PITPNC1: variants seen among roughly 807,000 people sequenced by gnomAD.
The protein encoded by PITPNC1 is phosphatidylinositol transfer protein cytoplasmic 1.
A neutral mutation model predicts 44.7 loss-of-function variants in PITPNC1; 18 were observed. The ratio of observed to expected loss-of-function variants is 0.40; its 90% confidence interval spans 0.28 to 0.60. The LOEUF (loss-of-function observed/expected upper bound fraction) is 0.60, where lower values mean the gene tolerates loss of function less well. Ranked by LOEUF, PITPNC1 falls within the 20% of genes least tolerant of loss-of-function variation. The probability of loss-of-function intolerance (pLI) is 0.39; values close to 1 mark genes in which losing one functional copy is unlikely to be tolerated. For synonymous variants in PITPNC1, 141 were observed against 149.6 expected, an observed-to-expected ratio of 0.94 and a Z score of 0.42; for missense variants, 290 against 418.4, an observed-to-expected ratio of 0.69 and a Z score of 2.68.
chr17:67,664,203 G>A (rs1337382172), intron 6 of PITPNC1, among the ~76,000 whole-genome samples: 1 of 152,162 alleles, frequency 6.6e-6, no homozygotes, highest in Non-Finnish European at 1.5e-5. Context: ...GACCTCAGGT[G>A]ATCCACCCAC....
chr17:67,599,020 ATATATATATATATATT>A lies in PITPNC1; in HGVS notation c.366+20765_366+20780del, dbSNP rs1441686466. The stretch of plus-strand genomic sequence containing the variant: ...GAAATACATATATATATATATATAT[ATATATATATATATATT>A]TTTTTTTTTTTTTTTTTTACCATGT... On this transcript the variant is annotated intron_variant, in intron 5 of 8. Transcript: ENST00000581322. Among the ~76,000 whole-genome samples, 124 of 39,234 alleles carry A rather than the reference ATATATATATATATATT, an allele frequency of 3.2e-3. 1 individual carries two copies. The highest frequency in any genetic ancestry group is 8.5e-3 in the Admixed American group (36 of 4,260). The allele number at this position is 39,234 out of a possible 152,430, so 25.7% of individuals were successfully genotyped here.
At chr17:67,527,808 T>C (rs1327555187) in intron 1 of PITPNC1, among the ~76,000 whole-genome samples, 1 of 152,082 alleles carries the variant, frequency 6.6e-6, no homozygotes, top group East Asian at 1.9e-4. Flanking sequence ...AGTTGGAGAC[T>C]AACATAATGA....
chr17:67,468,972 G>A (rs1365523492), intron 1 of PITPNC1, among the ~76,000 whole-genome samples: 1 of 152,036 alleles, frequency 6.6e-6, no homozygotes, highest in Non-Finnish European at 1.5e-5. Context: ...CAGGTGATTC[G>A]CCTGCCTCGG....
chr17:67,652,779 TGGAAGAGTGACCGC>T (rs2042223360), intron 6 of PITPNC1, among the ~76,000 whole-genome samples: 3 of 152,196 alleles, frequency 2.0e-5, no homozygotes, highest in Non-Finnish European at 2.9e-5. Flanking sequence ...ATGAGTGAGC[TGGAAGAGTGACCGC>T]GGAACCTAGA....
chr17:67,487,908 T>C (rs937691934), intron 1 of PITPNC1, among the ~76,000 whole-genome samples: 1 of 152,172 alleles, frequency 6.6e-6, no homozygotes, highest in African/African-American at 2.4e-5. Context: ...CATCACGGAC[T>C]GCTGATTGAA....
Position 67,378,202 on chromosome 17 carries a change from G to A in PITPNC1, c.48G>A (p.Glu16=). The A allele has an allele frequency of 6.5e-7, 1 of 1,535,538 alleles. No individual in the cohort carries two copies. The highest frequency in any genetic ancestry group is 8.7e-7 in the Non-Finnish European group (1 of 1,144,850). Residue 16 remains glutamate, a splice_region_variant and synonymous_variant, in exon 1 of 9, where the codon GAG becomes GAA. Transcript: ENST00000581322. ...YRICMPLTVD[E]YKIGQLYMIS... is the part of the protein sequence containing the mutation. ...TCTGCATGCCGCTCACCGTAGACGAGGTAAGCGCCGCGCCCGGCCCGGCCT... is the reference window on the plus strand; with the variant it reads ...TCTGCATGCCGCTCACCGTAGACGAAGTAAGCGCCGCGCCCGGCCCGGCCT...
At chr17:67,510,431 T>A (rs1598758697) in intron 1 of PITPNC1, among the ~76,000 whole-genome samples, 2 of 152,174 alleles carry the variant, frequency 1.3e-5, no homozygotes, top group East Asian at 3.9e-4. Flanking sequence ...CTAACAGCAT[T>A]CCTGCCCCTC....
Position 67,426,812 on chromosome 17 carries a change from T to C in PITPNC1, c.48+48610T>C, listed in dbSNP as rs188359938. 5.7e-4 allele frequency among the ~76,000 whole-genome samples: 83 copies of C among 145,804 alleles called. 2 individuals are homozygous for C. In the East Asian group the frequency reaches 0.011, roughly 19 times the overall value. On this transcript the variant is annotated intron_variant, in intron 1 of 8. Transcript: ENST00000581322. Reference sequence around the variant, plus strand: ...TCATCATGATTTTTTTAAAAACTTATTTAATTTGCATACAAATTTGTTCCA... The same window carrying C: ...TCATCATGATTTTTTTAAAAACTTACTTAATTTGCATACAAATTTGTTCCA...
At chr17:67,568,678 A>G (rs184019627) in intron 4 of PITPNC1, among the ~76,000 whole-genome samples, 3,687 of 151,078 alleles carry the variant, frequency 0.024, 63 homozygotes, top group Middle Eastern at 0.055. Flanking sequence ...TTTTGGGGGG[A>G]AAAGGGGGAA....
intron 1 of PITPNC1, among the ~76,000 whole-genome samples, chr17:67,439,223 C>G (rs530578837): frequency 6.6e-6 from 1 of 152,114 alleles, no homozygotes; most frequent in Non-Finnish European, 1.5e-5. Context: ...AATTGATGAG[C>G]CTCCTAATGT....
At chr17:67,599,234 C>T (rs1293764569) in intron 5 of PITPNC1, among the ~76,000 whole-genome samples, 2 of 151,114 alleles carry the variant, frequency 1.3e-5, no homozygotes, top group East Asian at 1.9e-4. Flanking sequence ...GACTGAGACA[C>T]GTGAGGTTGA....
At chr17:67,404,048 T>C (rs963650671) in intron 1 of PITPNC1, among the ~76,000 whole-genome samples, 1 of 152,136 alleles carries the variant, frequency 6.6e-6, no homozygotes, top group African/African-American at 2.4e-5. Flanking sequence ...ATCCCTGGGC[T>C]TTTTGGCTAC....
intron 1 of PITPNC1, among the ~76,000 whole-genome samples, chr17:67,447,981 T>C (rs192153479): frequency 7.3e-5 from 11 of 151,564 alleles, no homozygotes; most frequent in Admixed American, 6.6e-4. Context: ...GGTCTTGCTC[T>C]GTCGCCCAGG....
In PITPNC1 at chr17:67,695,597, T is replaced by C. The variant is rs1465707419; in HGVS notation, c.*2709T>C. On this transcript the variant is annotated 3_prime_UTR_variant, in exon 9 of 9. Coordinates refer to ENST00000581322, the MANE Select transcript of PITPNC1 (RefSeq NM_012417.4). ...TCAACTTTGTTCACCAAAATTGTAT[T>C]ATACCTGTGTATATATATATATATA... 1 of 98,180 alleles carries C rather than the reference T, an allele frequency of 1.0e-5. No individual in the cohort carries two copies. The highest frequency in any genetic ancestry group is 1.9e-5 in the Non-Finnish European group (1 of 51,782). 6.1% of individuals were successfully genotyped at this position (98,180 alleles called of 1,614,324 possible).
At chr17:67,630,717 CTT>C (rs113540590) in intron 5 of PITPNC1, among the ~76,000 whole-genome samples, 14 of 144,252 alleles carry the variant, frequency 9.7e-5, no homozygotes, top group Admixed American at 1.4e-4. Context: ...GAAATTTAGA[CTT>C]TTTTTTTTTT....
At position 67,617,522 on chromosome 17, in the gene PITPNC1, T is replaced by G. The variant is rs546686124; in HGVS notation, c.367-14621T>G. ...CTGTCTCAAAACAAACAAACAAAAT[T>G]AAACCCAGAGAGTTGTAATAGTTTC... is the stretch of plus-strand genomic sequence containing the variant. On this transcript the variant is annotated intron_variant, in intron 5 of 8. Transcript: ENST00000581322. Among the ~76,000 whole-genome samples, 6 of 152,026 alleles carry G rather than the reference T, an allele frequency of 3.9e-5. No homozygotes were observed. The South Asian group carries it at 1.0e-3, about 26-fold the overall frequency.
intron 4 of PITPNC1, among the ~76,000 whole-genome samples, chr17:67,562,788 G>T (rs2706678): frequency 0.026 from 3,975 of 152,262 alleles, 154 homozygotes; most frequent in African/African-American, 0.09. Context: ...TTTTGAAATT[G>T]ATGTGTGTAT....
intron 1 of PITPNC1, among the ~76,000 whole-genome samples, chr17:67,380,626 C>A (rs2037943647): frequency 6.6e-6 from 1 of 152,096 alleles, no homozygotes; most frequent in Non-Finnish European, 1.5e-5. Context: ...CCTAGTTTGC[C>A]AGATGTTAAA....
chr17:67,610,288 T>G (rs2144291742), intron 5 of PITPNC1, among the ~76,000 whole-genome samples: 1 of 152,280 alleles, frequency 6.6e-6, no homozygotes, highest in African/African-American at 2.4e-5. Flanking sequence ...ATCTAGAACC[T>G]GCTGGAAGGG....
Sources: gnomAD v4.1 joint callset for allele counts (sites outside exome capture counted in the v4.1 genomes callset) on GRCh38, gnomAD v4.1.1 for gene constraint, MANE v1.5 for transcripts, NCBI Gene and HGNC (gene_info 2026-07-23, HGNC 2026-07-21) for gene names.